Variants in CCDC171 observed in about 807,000 individuals in gnomAD.
CCDC171 encodes the protein coiled-coil domain-containing protein 171.
Under a neutral mutation model 168.2 loss-of-function variants are expected in CCDC171, and 177 were observed. The observed-to-expected ratio is 1.05, with a 90% confidence interval of 0.93 to 1.19. CCDC171 has a LOEUF of 1.19. CCDC171 is among the 50% of genes most tolerant of loss of function. CCDC171 has a pLI of 0.00. For synonymous variants in CCDC171, 687 were observed against 540.8 expected, an observed-to-expected ratio of 1.27 and a Z score of -3.75; for missense variants, 1,991 against 1,539.0, an observed-to-expected ratio of 1.29 and a Z score of -4.91.
intron 18 of CCDC171, among the ~76,000 whole-genome samples, chr9:15,774,988 C>T (rs1588425330): frequency 6.6e-6 from 1 of 152,136 alleles, no homozygotes; most frequent in East Asian, 1.9e-4. Flanking sequence ...TAAAAGACTA[C>T]ACATTGGGTG....
intron 23 of CCDC171, among the ~76,000 whole-genome samples, chr9:15,872,679 G>A (rs1817314259): frequency 6.6e-6 from 1 of 151,918 alleles, no homozygotes. Context: ...TTCTGGGTGA[G>A]TTTTTAAACA....
intron 6 of CCDC171, among the ~76,000 whole-genome samples, chr9:15,612,463 A>G (rs752092091): frequency 6.6e-6 from 1 of 151,992 alleles, no homozygotes; most frequent in Non-Finnish European, 1.5e-5. Flanking sequence ...GCTATGTTTA[A>G]TCATATCTGT....
intron 25 of CCDC171, among the ~76,000 whole-genome samples, chr9:15,925,458 G>T (rs960541701): frequency 2.7e-5 from 4 of 150,694 alleles, no homozygotes; most frequent in Non-Finnish European, 5.9e-5. Flanking sequence ...GAATGGTCTG[G>T]AGAAAAGGGC....
At chr9:15,596,106 C>G (rs2042331272) in intron 6 of CCDC171, among the ~76,000 whole-genome samples, 1 of 152,162 alleles carries the variant, frequency 6.6e-6, no homozygotes, top group Admixed American at 6.6e-5. Flanking sequence ...CCTGTTCACT[C>G]TGATGGTAGT....
At chr9:15,764,032 T>C (rs2056592473) in intron 18 of CCDC171, among the ~76,000 whole-genome samples, 1 of 152,154 alleles carries the variant, frequency 6.6e-6, no homozygotes, top group African/African-American at 2.4e-5. Context: ...AAGGACATTC[T>C]AAGCAGAGGA....
chr9:15,945,822 T>C (rs972326571), intron 25 of CCDC171, among the ~76,000 whole-genome samples: 1 of 151,800 alleles, frequency 6.6e-6, no homozygotes, highest in African/African-American at 2.4e-5. Flanking sequence ...TTCTCCCATT[T>C]TGTGGGTTGC....
At chr9:15,992,164 C>A (rs199848553) in intron 3 of CCDC171, among the ~76,000 whole-genome samples, 3 of 152,090 alleles carry the variant, frequency 2.0e-5, no homozygotes, top group Non-Finnish European at 4.4e-5. Flanking sequence ...TGATGAACAT[C>A]GATGCAAAAA....
intron 1 of CCDC171, among the ~76,000 whole-genome samples, chr9:16,060,348 C>A (rs891832345): frequency 6.6e-6 from 1 of 152,104 alleles, no homozygotes; most frequent in African/African-American, 2.4e-5. Context: ...CGTGGCGCCT[C>A]GAGACCACAC....
At position 15,678,848 on chromosome 9, in the gene CCDC171, C is replaced by T. The variant is rs116499856; in HGVS notation, c.1167C>T (p.Leu389=). Residue 389 remains leucine, a synonymous_variant, in exon 10 of 26, where the codon CTC becomes CTT. Coordinates refer to ENST00000380701, the MANE Select transcript of CCDC171 (RefSeq NM_173550.4). ...TAATTATAGACCTTTCAAAGAGACTCCAGTATAATGAAAAAAGTTGCAGTG... is the reference window on the plus strand; with the variant it reads ...TAATTATAGACCTTTCAAAGAGACTTCAGTATAATGAAAAAAGTTGCAGTG... ...KKVIIDLSKR[L]QYNEKSCSEL... The T allele has an allele frequency of 3.4e-4, 540 of 1,593,192 alleles. 3 individuals carry two copies. In the African/African-American group the frequency reaches 6.3e-3, roughly 18 times the overall value.
At chr9:15,837,533 A>G (rs9298741) in intron 21 of CCDC171, among the ~76,000 whole-genome samples, 70,398 of 152,016 alleles carry the variant, frequency 0.46, 16,610 homozygotes, top group Non-Finnish European at 0.51. Flanking sequence ...ATATTTTTCA[A>G]CTATTACTGC....
chr9:15,961,163 C>G (rs982573105), intron 25 of CCDC171, among the ~76,000 whole-genome samples: 1 of 152,216 alleles, frequency 6.6e-6, no homozygotes, highest in Non-Finnish European at 1.5e-5. Flanking sequence ...TTTCCTTCCT[C>G]TGCTCTTCTT....
chr9:15,833,851 G>T (rs2060334932), intron 21 of CCDC171, among the ~76,000 whole-genome samples: 1 of 152,076 alleles, frequency 6.6e-6, no homozygotes, highest in African/African-American at 2.4e-5. Flanking sequence ...AGGAAACAAA[G>T]GTATAGAGGA....
At chr9:15,805,723 G>T (rs1234832725) in intron 21 of CCDC171, among the ~76,000 whole-genome samples, 2 of 152,144 alleles carry the variant, frequency 1.3e-5, no homozygotes, top group South Asian at 2.1e-4. Flanking sequence ...TGTATATTCT[G>T]TTGTTTTTGG....
chr9:15,660,137 T>C (rs372683103), intron 8 of CCDC171, among the ~76,000 whole-genome samples: 124 of 152,344 alleles, frequency 8.1e-4, no homozygotes, highest in African/African-American at 2.8e-3. Context: ...AATTTATGTT[T>C]TTACTTTTGA....
At chr9:16,081,557 G>C in the CCDC171 span, among the ~76,000 whole-genome samples, 5 of 152,156 alleles carry the variant, frequency 3.3e-5, no homozygotes, top group Non-Finnish European at 7.4e-5. Context: ...AGCCAGCCTG[G>C]TACAACACCA....
chr9:16,019,810 T>C (rs1833113775), intron 3 of CCDC171, among the ~76,000 whole-genome samples: 1 of 152,222 alleles, frequency 6.6e-6, no homozygotes, highest in South Asian at 2.1e-4. Flanking sequence ...TTCTCTTGGT[T>C]CTGAGCATGA....
intron 21 of CCDC171, among the ~76,000 whole-genome samples, chr9:15,793,962 C>A (rs561506897): frequency 4.0e-5 from 6 of 151,876 alleles, no homozygotes; most frequent in African/African-American, 1.4e-4. Flanking sequence ...GTTTTCAAAC[C>A]TTATTCCTTT....
At chr9:16,067,417 G>A in the CCDC171 span, among the ~76,000 whole-genome samples, 2 of 152,092 alleles carry the variant, frequency 1.3e-5, no homozygotes, top group Non-Finnish European at 2.9e-5. Flanking sequence ...TAGGTTTCCT[G>A]TTCACTCTGA....
intron 7 of CCDC171, 50 bp downstream of exon 7, chr9:15,623,463 A>ACGCACGCG: frequency 1.6e-6 from 1 of 633,910 alleles, no homozygotes; most frequent in Non-Finnish European, 2.6e-6. Flanking sequence ...ACTTTCACAT[A>ACGCACGCG]TGCGCGCGCG....
Sources: allele counts gnomAD v4.1 joint callset (sites outside exome capture counted in the v4.1 genomes callset), GRCh38; gene constraint gnomAD v4.1.1; transcripts MANE v1.5; gene names NCBI Gene and HGNC (gene_info 2026-07-23, HGNC 2026-07-21).